The following KALRN variants were observed in gnomAD, a reference collection of about 807,000 sequenced individuals.
KALRN encodes kalirin RhoGEF kinase, also known as kalirin.
A neutral mutation model predicts 353.7 loss-of-function variants in KALRN; 70 were observed. That is an observed-to-expected ratio of 0.20 (90% CI 0.16 to 0.24). KALRN has a LOEUF of 0.24. Ranked by LOEUF, KALRN falls within the 10% of genes least tolerant of loss-of-function variation. The pLI is 1.00. For missense variants in KALRN, 2,791 were observed against 3,756.7 expected (o/e 0.74, Z 6.72); for synonymous variants, 1,391 against 1,434.8 (o/e 0.97, Z 0.69).
At chr3:124,718,438 A>G (rs530554134) in intron 59 of KALRN, among the ~76,000 whole-genome samples, 8 of 152,186 alleles carry the variant, frequency 5.3e-5, no homozygotes, top group Admixed American at 5.2e-4. Flanking sequence ...TATGACTATT[A>G]AAGAGAATCT....
At chr3:124,591,769 G>A (rs78247698) in intron 34 of KALRN, among the ~76,000 whole-genome samples, 3,447 of 152,258 alleles carry the variant, frequency 0.023, 123 homozygotes, top group African/African-American at 0.078. Context: ...ATATCTGTAG[G>A]TCCAGTTGGT....
chr3:124,424,263 T>G (rs2092919217), intron 15 of KALRN, among the ~76,000 whole-genome samples: 1 of 152,184 alleles, frequency 6.6e-6, no homozygotes, highest in South Asian at 2.1e-4. Context: ...TTTAAACATT[T>G]TTTTTTCTTG....
intron 1 of KALRN, among the ~76,000 whole-genome samples, chr3:124,107,887 C>G (rs190305754): frequency 1.3e-4 from 20 of 152,324 alleles, no homozygotes; most frequent in Admixed American, 1.2e-3. Context: ...CAAGACAGCT[C>G]CTTCTGTGTT....
intron 1 of KALRN, among the ~76,000 whole-genome samples, chr3:124,135,842 A>C (rs936509042): frequency 3.3e-5 from 5 of 152,184 alleles, no homozygotes. Context: ...TGGAGAAAGA[A>C]GGGAAGTGAT....
At chr3:124,243,466 T>G (rs2080753172) in intron 3 of KALRN, among the ~76,000 whole-genome samples, 1 of 152,142 alleles carries the variant, frequency 6.6e-6, no homozygotes, top group Non-Finnish European at 1.5e-5. Flanking sequence ...CAGGAACCAG[T>G]AAGTGCCTGT....
intron 1 of KALRN, among the ~76,000 whole-genome samples, chr3:124,155,196 T>C (rs2068797891): frequency 6.6e-6 from 1 of 152,218 alleles, no homozygotes. Context: ...GACATAGGCA[T>C]GGGCAAGGAC....
At chr3:124,066,587 G>A (rs1360486091) in intron 1 of KALRN, among the ~76,000 whole-genome samples, 1 of 152,198 alleles carries the variant, frequency 6.6e-6, no homozygotes, top group African/African-American at 2.4e-5. Context: ...GGTGTGACCT[G>A]GGTAAGGGAC....
At chr3:124,371,350 T>C (rs1376697352) in intron 10 of KALRN, among the ~76,000 whole-genome samples, 3 of 152,224 alleles carry the variant, frequency 2.0e-5, no homozygotes, top group South Asian at 2.1e-4. Flanking sequence ...ATCTTGAAGG[T>C]TGAGTTCATA....
At chr3:124,584,362 A>G (rs1422805762) in intron 34 of KALRN, among the ~76,000 whole-genome samples, 1 of 152,178 alleles carries the variant, frequency 6.6e-6, no homozygotes, top group East Asian at 1.9e-4. Context: ...GTCTTGGAGC[A>G]TCTAAGTCTG....
At chr3:124,642,145 G>A (rs1026010773) in intron 37 of KALRN, among the ~76,000 whole-genome samples, 7 of 152,250 alleles carry the variant, frequency 4.6e-5, no homozygotes, top group Admixed American at 6.5e-5. Context: ...TTAGATGGGC[G>A]TGGTGGCATG....
At chr3:124,468,702 C>G (rs564749685) in intron 25 of KALRN, among the ~76,000 whole-genome samples, 1 of 152,188 alleles carries the variant, frequency 6.6e-6, no homozygotes, top group African/African-American at 2.4e-5. Flanking sequence ...CTGCCCAAAC[C>G]AAAATTAGTG....
chr3:124,705,231 C>A (rs369965094), intron 57 of KALRN, among the ~76,000 whole-genome samples: 2 of 152,192 alleles, frequency 1.3e-5, no homozygotes, highest in South Asian at 4.1e-4. Context: ...ACACAGGCAT[C>A]TATCTTCACT....
At chr3:124,283,176 A>C (rs2075518992) in intron 5 of KALRN, among the ~76,000 whole-genome samples, 1 of 152,224 alleles carries the variant, frequency 6.6e-6, no homozygotes, top group African/African-American at 2.4e-5. Context: ...CTAGATGAGA[A>C]CATCCAACAG....
intron 50 of KALRN, 98 bp from the exon 51 acceptor site, chr3:124,679,360 G>A (rs369683991): frequency 1.5e-4 from 153 of 1,009,254 alleles, no homozygotes; most frequent in Middle Eastern, 1.3e-3. Context: ...AGATCCCATC[G>A]CCCATGCTTC....
chr3:124,318,427 C>T (rs1473915720), intron 6 of KALRN, among the ~76,000 whole-genome samples: 1 of 152,158 alleles, frequency 6.6e-6, no homozygotes, highest in African/African-American at 2.4e-5. Context: ...AGTTCTTATT[C>T]CAGATGTTAC....
intron 7 of KALRN, among the ~76,000 whole-genome samples, chr3:124,329,280 G>A (rs1445091093): frequency 6.6e-6 from 1 of 152,182 alleles, no homozygotes; most frequent in Non-Finnish European, 1.5e-5. Context: ...CCCCTAGACT[G>A]CCTCTCTCGT....
rs558603870 is a variant in KALRN, at chr3:124,652,001, G to A, written c.5795+1063G>A. Reference sequence around the variant, plus strand: ...GAAGCAGAGCTACTGATGAGTCTTAGACATAGCTCAGCATGTGAGAGATTA... The same window carrying A: ...GAAGCAGAGCTACTGATGAGTCTTAAACATAGCTCAGCATGTGAGAGATTA... On this transcript the variant is annotated intron_variant, in intron 38 of 59. Transcript: ENST00000682506. Among the ~76,000 whole-genome samples the A allele has an allele frequency of 1.0e-3, 158 of 152,260 alleles. 1 individual carries two copies. The highest frequency in any genetic ancestry group is 3.6e-3 in the African/African-American group (148 of 41,562).
chr3:124,269,369 C>T, intron 5 of KALRN, 114 bp downstream of exon 5: 2 of 1,157,458 alleles, frequency 1.7e-6, no homozygotes, highest in Non-Finnish European at 2.4e-6. Context: ...AAACAGTGTG[C>T]CTACTAGTTT....
intron 25 of KALRN, among the ~76,000 whole-genome samples, chr3:124,468,317 T>C (rs1334051890): frequency 6.6e-6 from 1 of 152,186 alleles, no homozygotes; most frequent in Non-Finnish European, 1.5e-5. Flanking sequence ...CACCCATAAA[T>C]TGATTTTACA....
Sources: allele counts gnomAD v4.1 joint callset (sites outside exome capture counted in the v4.1 genomes callset), GRCh38; gene constraint gnomAD v4.1.1; transcripts MANE v1.5; gene names NCBI Gene and HGNC (gene_info 2026-07-23, HGNC 2026-07-21).